HACD1: variants seen among roughly 807,000 people sequenced by gnomAD.
HACD1 encodes the protein 3-hydroxyacyl-CoA dehydratase 1.
HACD1 carries 41 observed loss-of-function variants against 32.0 expected under a neutral mutation model. The ratio of observed to expected loss-of-function variants is 1.28; its 90% CI spans 1.00 to 1.66. HACD1 has a LOEUF of 1.66. Ranked by LOEUF, HACD1 falls within the 40% of genes most tolerant of loss-of-function variation. HACD1 has a pLI of 0.00. For missense variants in HACD1, 396 were observed against 380.1 expected (o/e 1.04, Z -0.35); for synonymous variants, 142 against 139.0 (o/e 1.02, Z -0.15).
chr10:17,609,161 T>TC (rs1554817278), intron 1 of HACD1, among the ~76,000 whole-genome samples: 1 of 150,552 alleles, frequency 6.6e-6, no homozygotes, highest in African/African-American at 2.5e-5. Flanking sequence ...AAAGGTTTTT[T>TC]TTTTTTTTTT....
At chr10:17,610,415 A>G (rs1554817399) in intron 1 of HACD1, among the ~76,000 whole-genome samples, 2 of 152,188 alleles carry the variant, frequency 1.3e-5, no homozygotes, top group Non-Finnish European at 2.9e-5. Context: ...TTGGGAGGCC[A>G]AGGTGGGTGG....
intron 1 of HACD1, chr10:17,615,900 G>C (rs1397428581): frequency 2.4e-6 from 1 of 417,582 alleles, no homozygotes; most frequent in Non-Finnish European, 4.9e-6. Flanking sequence ...TCCGGAGGCT[G>C]AGGTTGGCAG....
chr10:17,596,438 C>A (rs912680123), intron 5 of HACD1, among the ~76,000 whole-genome samples: 7 of 151,718 alleles, frequency 4.6e-5, no homozygotes, highest in Non-Finnish European at 1.0e-4. Flanking sequence ...AGTAAAATAC[C>A]CAAACTGATT....
chr10:17,617,091 C>A lies in HACD1; in HGVS notation c.249G>T (p.Met83Ile). 1 of 1,491,006 alleles carries A rather than the reference C, an allele frequency of 6.7e-7. No individual in the cohort carries two copies. Among genetic ancestry groups the A allele is most frequent in the East Asian group, 2.9e-5 (1 of 33,934 alleles). 92.4% of individuals were successfully genotyped at this position (1,491,006 alleles called of 1,614,324 possible). A position where few individuals can be genotyped will look rare whatever the true frequency, so the allele number is the denominator to read the frequency against. Residue 83 changes from methionine to isoleucine, a missense_variant, in exon 1 of 7, where the codon ATG becomes ATT. Physicochemically the swap from Met to Ile is conservative, Grantham distance 10. Coordinates refer to ENST00000361271, the MANE Select transcript of HACD1 (RefSeq NM_014241.4). ...CCCCGCGGCGCGCGTACCCCGCGGT[C>A]ATGGCGATGTCGTAGAAGGTGAGCC... ...TAWLTFYDIA[M>I]TAGWLVLAIA...
chr10:17,592,460 TA>T lies in HACD1; in HGVS notation c.784+1744del, dbSNP rs569473413. ...TAAGAATGCAGGGGGAGGAGGGAAT[TA>T]AAAAAAAATGCAGTGGAAAACATGT... On this transcript the variant is annotated intron_variant, in intron 6 of 6. Transcript: ENST00000361271. 7.6e-3 allele frequency among the ~76,000 whole-genome samples: 1,148 copies of T among 151,294 alleles called. 18 individuals carry two copies. Among genetic ancestry groups the T allele is most frequent in the African/African-American group, 0.027 (1,097 of 41,242 alleles).
At chr10:17,615,857 C>T in intron 1 of HACD1, 1 of 428,798 alleles carries the variant, frequency 2.3e-6, no homozygotes, top group Non-Finnish European at 4.7e-6. Flanking sequence ...GTCCCAGCTA[C>T]TCCGGAGGCC....
chr10:17,594,293 T>G lies in HACD1; in HGVS notation c.696A>C (p.Gly232=). The change falls in exon 6 of 7, where the codon GGA becomes GGC. Residue 232 remains glycine (G), a synonymous_variant. Transcript: ENST00000361271. ...TGTTAGGAAGTCTTATTGAAAACATTCCTGTTTTCTTCACATGCGGCAAGG... is the reference window on the plus strand; with the variant it reads ...TGTTAGGAAGTCTTATTGAAAACATGCCTGTTTTCTTCACATGCGGCAAGG... ...YAALPHVKKT[G]MFSIRLPNKY... 6.2e-7 allele frequency: 1 copy of G among 1,604,444 alleles called. No homozygotes were observed. The highest frequency in any genetic ancestry group is 8.5e-7 in the Non-Finnish European group (1 of 1,174,746).
intron 5 of HACD1, among the ~76,000 whole-genome samples, chr10:17,598,215 G>C (rs1398311303): frequency 7.2e-6 from 1 of 138,108 alleles, no homozygotes; most frequent in Non-Finnish European, 1.5e-5. Context: ...AGCCGAGATC[G>C]TGCCACTATC....
intron 6 of HACD1, among the ~76,000 whole-genome samples, chr10:17,591,976 A>ATGTTTTTTTTTTTTT (rs1465312407): frequency 1.0e-5 from 1 of 96,942 alleles, no homozygotes; most frequent in African/African-American, 4.5e-5. Flanking sequence ...CCAGCTACTG[A>ATGTTTTTTTTTTTTT]TTTTTTTTTT....
In HACD1 at chr10:17,599,362, G is replaced by A. The variant is rs1834037648; in HGVS notation, c.533C>T (p.Thr178Ile). The A allele has an allele frequency of 1.2e-6, 2 of 1,613,962 alleles. No individual in the cohort carries two copies. The highest frequency in any genetic ancestry group is 1.7e-6 in the Non-Finnish European group (2 of 1,179,996). The change falls in exon 5 of 7, where the codon ACA (threonine) becomes ATA (isoleucine). Residue 178 changes from threonine (T) to isoleucine (I), a missense_variant. Transcript: ENST00000361271. ...GTAGAAGGAATAGCGAGTGATCTCT[G>A]TCACAGTCCACGCGACCAGAAAAAG... ...VVLFLVAWTV[T>I]EITRYSFYTF... is the part of the protein sequence containing the mutation.
At chr10:17,592,335 T>C in intron 6 of HACD1, among the ~76,000 whole-genome samples, 1 of 152,176 alleles carries the variant, frequency 6.6e-6, no homozygotes, top group East Asian at 1.9e-4. Flanking sequence ...TTAATGTAAA[T>C]GAGAAATAAT....
chr10:17,599,535 A>C (rs45495902), intron 4 of HACD1, 124 bp from the exon 5 acceptor site: 16 of 1,393,752 alleles, frequency 1.1e-5, no homozygotes, highest in Admixed American at 3.1e-5. Context: ...CAAATGCAAT[A>C]TAGAAAACTT....
At chr10:17,601,827 G>T (rs1834073931) in intron 4 of HACD1, among the ~76,000 whole-genome samples, 1 of 152,116 alleles carries the variant, frequency 6.6e-6, no homozygotes, top group South Asian at 2.1e-4. Flanking sequence ...TTGAGTGAAA[G>T]ATACTAGTCA....
chr10:17,609,800 G>A (rs1335125594), intron 1 of HACD1, among the ~76,000 whole-genome samples: 2 of 151,900 alleles, frequency 1.3e-5, no homozygotes, highest in African/African-American at 4.8e-5. Context: ...GGCCAACCTG[G>A]TGAAACCCCG....
At chr10:17,595,011 A>G (rs1342542805) in intron 5 of HACD1, among the ~76,000 whole-genome samples, 1 of 151,970 alleles carries the variant, frequency 6.6e-6, no homozygotes, top group Non-Finnish European at 1.5e-5. Flanking sequence ...GGCGCCCGCC[A>G]CCACGCCCGG....
intron 1 of HACD1, among the ~76,000 whole-genome samples, chr10:17,607,429 C>A (rs1245655119): frequency 6.6e-6 from 1 of 152,180 alleles, no homozygotes; most frequent in Admixed American, 6.5e-5. Flanking sequence ...ATTTCATTAT[C>A]TTCAATTCAA....
chr10:17,607,135 T>C lies in HACD1; in HGVS notation c.258-3088A>G, dbSNP rs11254680. On this transcript the variant is annotated intron_variant, in intron 1 of 6. Coordinates refer to ENST00000361271, the MANE Select transcript of HACD1 (RefSeq NM_014241.4). ...TCAAATATTTTAATTGATAGTAGCA[T>C]GCTATCCAAAAAGTTTGAAGGCCAC... Among the ~76,000 whole-genome samples the C allele has an allele frequency of 7.4e-3, 1,124 of 152,350 alleles. 12 individuals are homozygous for C. Among genetic ancestry groups the C allele is most frequent in the African/African-American group, 0.026 (1,082 of 41,582 alleles).
At chr10:17,599,433 C>G (rs1834039258) in intron 4 of HACD1, 22 bp from the exon 5 acceptor site, 1 of 1,607,946 alleles carries the variant, frequency 6.2e-7, no homozygotes, top group African/African-American at 1.3e-5. Flanking sequence ...CAGAGAAACC[C>G]AGTGTCATTC....
chr10:17,609,706 C>G (rs1834202720), intron 1 of HACD1, among the ~76,000 whole-genome samples: 1 of 152,042 alleles, frequency 6.6e-6, no homozygotes, highest in African/African-American at 2.4e-5. Context: ...ACTTTGGAAA[C>G]CAGTTTGGCG....
Sources: gnomAD v4.1 joint callset for allele counts (sites outside exome capture counted in the v4.1 genomes callset) on GRCh38, gnomAD v4.1.1 for gene constraint, MANE v1.5 for transcripts, NCBI Gene and HGNC (gene_info 2026-07-23, HGNC 2026-07-21) for gene names.